Variants in DYM observed in about 807,000 individuals in gnomAD.
DYM encodes dyggve-Melchior-Clausen syndrome protein.
In DYM, 78 loss-of-function variants were observed where a neutral mutation model predicts 93.1. The observed-to-expected ratio is 0.84, with a 90% CI of 0.70 to 1.01. The LOEUF is 1.01. DYM is among the 50% of genes least tolerant of loss of function. The pLI, the probability that DYM is intolerant of heterozygous loss-of-function variation, is 0.00. For synonymous variants in DYM, 321 were observed against 319.7 expected, an observed-to-expected ratio of 1.00 and a Z score of -0.04; for missense variants, 789 against 845.0, an observed-to-expected ratio of 0.93 and a Z score of 0.82.
chr18:49,442,680 C>T (rs1321458651), intron 1 of DYM, among the ~76,000 whole-genome samples: 1 of 151,592 alleles, frequency 6.6e-6, no homozygotes, highest in South Asian at 2.1e-4. Context: ...TAATACCAAA[C>T]ATGTATTTAG....
intron 8 of DYM, among the ~76,000 whole-genome samples, chr18:49,289,819 ATT>A (rs1173356208): frequency 7.0e-6 from 1 of 142,982 alleles, no homozygotes; most frequent in African/African-American, 2.6e-5. Context: ...ACACATATAT[ATT>A]TATTTATATA....
At chr18:49,340,494 T>C (rs923292882) in intron 6 of DYM, among the ~76,000 whole-genome samples, 1 of 151,692 alleles carries the variant, frequency 6.6e-6, no homozygotes, top group Non-Finnish European at 1.5e-5. Flanking sequence ...GAAAAGGAAA[T>C]AGGGAATGGA....
At chr18:49,238,922 T>G (rs1329416196) in intron 13 of DYM, among the ~76,000 whole-genome samples, 1 of 152,158 alleles carries the variant, frequency 6.6e-6, no homozygotes, top group African/African-American at 2.4e-5. Context: ...ACCCTCCAAA[T>G]GCTGCCCCTC....
At chr18:49,422,369 T>C (rs763529380) in intron 2 of DYM, among the ~76,000 whole-genome samples, 3 of 151,982 alleles carry the variant, frequency 2.0e-5, no homozygotes, top group African/African-American at 7.3e-5. Context: ...TTAAAGAAAA[T>C]AATTTTCAAC....
chr18:49,332,065 T>A (rs2063345741), intron 7 of DYM, 59 bp from the exon 8 acceptor site: 1 of 1,514,892 alleles, frequency 6.6e-7, no homozygotes. Context: ...TAATTCTGAA[T>A]AACAATACAG....
At chr18:49,420,501 A>G (rs1009555281) in intron 2 of DYM, among the ~76,000 whole-genome samples, 1 of 152,006 alleles carries the variant, frequency 6.6e-6, no homozygotes, top group African/African-American at 2.4e-5. Context: ...GCCCAATCCA[A>G]TTGTATACAA....
At position 49,256,921 on chromosome 18, in the gene DYM, AG is replaced by A. The variant is rs1434259419; in HGVS notation, c.1460+88del. On this transcript the variant is annotated intron_variant, in intron 13 of 17. Coordinates refer to ENST00000675505, the MANE Select transcript of DYM (RefSeq NM_001353214.3). Reference sequence around the variant, plus strand: ...AGTAGGAAAATTTGATAGTCCTCACAGGTAACATTTAAAAAGGAACCACCAT... The same window carrying A: ...AGTAGGAAAATTTGATAGTCCTCACAGTAACATTTAAAAAGGAACCACCAT... The A allele has an allele frequency of 4.6e-6, 5 of 1,092,728 alleles. No homozygotes were observed. In the Admixed American group the frequency reaches 7.3e-5, roughly 16 times the overall value. The allele number at this position is 1,092,728 out of a possible 1,614,324, so 67.7% of individuals were successfully genotyped here. A position where few individuals can be genotyped will look rare whatever the true frequency, so the allele number is the denominator to read the frequency against.
intron 14 of DYM, among the ~76,000 whole-genome samples, chr18:49,183,610 G>C (rs1047084082): frequency 6.6e-6 from 1 of 152,008 alleles, no homozygotes; most frequent in Non-Finnish European, 1.5e-5. Flanking sequence ...TTAAGTTCTT[G>C]AGCCTGGGAT....
At chr18:49,379,277 T>C (rs969785261) in intron 4 of DYM, among the ~76,000 whole-genome samples, 1 of 152,002 alleles carries the variant, frequency 6.6e-6, no homozygotes, top group Non-Finnish European at 1.5e-5. Flanking sequence ...TAACCTTCCA[T>C]TGATGTAAAG....
intron 17 of DYM, among the ~76,000 whole-genome samples, chr18:49,045,805 T>G (rs1315695201): frequency 1.1e-4 from 16 of 143,930 alleles, no homozygotes; most frequent in African/African-American, 1.8e-4. Flanking sequence ...AAGGAGGGGG[T>G]GGGGGAAGAG....
intron 8 of DYM, among the ~76,000 whole-genome samples, chr18:49,324,131 T>A (rs1041193331): frequency 2.9e-5 from 2 of 68,624 alleles, no homozygotes; most frequent in African/African-American, 1.2e-4. Flanking sequence ...CCAGATAGGC[T>A]CTGTCTCAAA....
intron 2 of DYM, among the ~76,000 whole-genome samples, chr18:49,422,685 T>C (rs771992185): frequency 1.3e-5 from 2 of 151,744 alleles, no homozygotes; most frequent in Non-Finnish European, 2.9e-5. Flanking sequence ...AGGCTCAAAA[T>C]AAAGGGATGG....
intron 15 of DYM, among the ~76,000 whole-genome samples, chr18:49,161,009 A>G (rs2087042775): frequency 6.6e-6 from 1 of 152,166 alleles, no homozygotes. Context: ...AAATCTGAGA[A>G]AAGGCAGCAA....
chr18:49,185,836 G>C (rs2090382752), intron 14 of DYM, among the ~76,000 whole-genome samples: 1 of 152,116 alleles, frequency 6.6e-6, no homozygotes, highest in Non-Finnish European at 1.5e-5. Flanking sequence ...CTCAAGCCTA[G>C]GCAGCCTGAC....
At chr18:49,430,207 T>C in intron 2 of DYM, 48 bp downstream of exon 2, 3 of 1,576,390 alleles carry the variant, frequency 1.9e-6, no homozygotes, top group Non-Finnish European at 2.6e-6. Flanking sequence ...ACCACACAAG[T>C]TGATATGGCC....
chr18:49,390,064 G>T (rs547730438), intron 3 of DYM, among the ~76,000 whole-genome samples: 14 of 152,266 alleles, frequency 9.2e-5, no homozygotes, highest in Non-Finnish European at 1.8e-4. Flanking sequence ...AGCTATGGTT[G>T]TAAGGCAAGA....
intron 14 of DYM, among the ~76,000 whole-genome samples, chr18:49,165,409 C>T (rs1278557059): frequency 1.3e-5 from 2 of 151,966 alleles, no homozygotes; most frequent in Non-Finnish European, 2.9e-5. Context: ...GAAGTATGGC[C>T]TTTAGTATTT....
chr18:49,080,522 T>A (rs1313348619), intron 17 of DYM, among the ~76,000 whole-genome samples: 3 of 133,222 alleles, frequency 2.3e-5, no homozygotes, highest in Non-Finnish European at 3.2e-5. Flanking sequence ...GGCTCCTCAC[T>A]TCCCAGTAGG....
chr18:49,362,113 G>C (rs1218338266), intron 6 of DYM, among the ~76,000 whole-genome samples: 1 of 150,704 alleles, frequency 6.6e-6, no homozygotes, highest in Non-Finnish European at 1.5e-5. Flanking sequence ...CAATACACCT[G>C]CCTCAGGCTC....
Sources: gnomAD v4.1 joint callset for allele counts (sites outside exome capture counted in the v4.1 genomes callset) on GRCh38, gnomAD v4.1.1 for gene constraint, MANE v1.5 for transcripts, NCBI Gene and HGNC (gene_info 2026-07-23, HGNC 2026-07-21) for gene names.